The following RCAN2 variants were observed in gnomAD, a reference collection of about 807,000 sequenced individuals.
RCAN2 encodes the protein calcipressin-2.
RCAN2 carries 9 observed loss-of-function variants against 23.6 expected under a neutral mutation model. That is an observed-to-expected ratio of 0.38 (90% CI 0.23 to 0.67). The LOEUF (loss-of-function observed/expected upper bound fraction) is 0.67, where lower values mean the gene tolerates loss of function less well. Among genes scored for constraint, RCAN2 ranks in the 30% least tolerant of loss-of-function variants. RCAN2 has a pLI of 0.51. For missense variants in RCAN2, 273 were observed against 302.3 expected, an observed-to-expected ratio of 0.90 and a Z score of 0.72; for synonymous variants, 109 against 115.7, an observed-to-expected ratio of 0.94 and a Z score of 0.37.
rs1224833178 is a variant in RCAN2, at chr6:46,222,319, A to G, written c.*822T>C. 2 of 213,254 alleles carry G rather than the reference A, an allele frequency of 9.4e-6. No homozygotes were observed. Among genetic ancestry groups the G allele is most frequent in the Non-Finnish European group, 1.8e-5 (2 of 108,784 alleles). 13.2% of individuals were successfully genotyped at this position (213,254 alleles called of 1,614,324 possible). A position where few individuals can be genotyped will look rare whatever the true frequency, so the allele number is the denominator to read the frequency against. ...CTGAAACATTTGTACAAATATACAA[A>G]GAGAGAAAACAATCATTCAGACACC... On this transcript the variant is annotated 3_prime_UTR_variant, in exon 5 of 5. Transcript: ENST00000371374.
At chr6:46,325,792 T>G in intron 2 of RCAN2, 1 of 1,092,870 alleles carries the variant, frequency 9.2e-7, no homozygotes, top group South Asian at 3.5e-5. Flanking sequence ...TTGAACATGA[T>G]TATGTGCTAA....
chr6:46,394,760 C>A (rs1209953545), intron 2 of RCAN2, among the ~76,000 whole-genome samples: 1 of 152,144 alleles, frequency 6.6e-6, no homozygotes, highest in Non-Finnish European at 1.5e-5. Flanking sequence ...ATTGATCCCT[C>A]TCTCACTGCT....
At chr6:46,274,809 T>C (rs2150335030) in intron 2 of RCAN2, among the ~76,000 whole-genome samples, 1 of 152,184 alleles carries the variant, frequency 6.6e-6, no homozygotes, top group Non-Finnish European at 1.5e-5. Context: ...CACCAAGTAC[T>C]TTCTGAATTT....
At chr6:46,422,787 T>C (rs1328157404) in intron 2 of RCAN2, among the ~76,000 whole-genome samples, 1 of 152,206 alleles carries the variant, frequency 6.6e-6, no homozygotes, top group African/African-American at 2.4e-5. Flanking sequence ...TGGGTGCCTA[T>C]CTCAAGGCAG....
intron 2 of RCAN2, among the ~76,000 whole-genome samples, chr6:46,341,097 A>G (rs1764306296): frequency 1.3e-5 from 2 of 152,234 alleles, no homozygotes; most frequent in Non-Finnish European, 2.9e-5. Flanking sequence ...TTAATTAGTA[A>G]TAGACATTTA....
chr6:46,332,267 C>G (rs1044856879), intron 2 of RCAN2, among the ~76,000 whole-genome samples: 2 of 151,894 alleles, frequency 1.3e-5, no homozygotes, highest in East Asian at 3.9e-4. Flanking sequence ...CTCATACATC[C>G]TTATTGTTTA....
At chr6:46,277,589 C>CTTT (rs5875956) in intron 2 of RCAN2, among the ~76,000 whole-genome samples, 1 of 148,650 alleles carries the variant, frequency 6.7e-6, no homozygotes, top group Non-Finnish European at 1.5e-5. Context: ...CTTTTTAAAA[C>CTTT]TTTTTTTTTT....
In RCAN2 at chr6:46,456,951, C is replaced by T; in HGVS notation, c.26G>A (p.Gly9Glu). ...TCCCTGCTGCCCTGGGCTCCTCATT[C>T]CGATGAAGTATGATTCTCCCCTCAT... MRGESYFI[G>E]MRSPGQQGHV... The change falls in exon 2 of 5, where the codon GGA (glycine) becomes GAA (glutamate). Residue 9 changes from glycine to glutamate, a missense_variant. Gly to Glu is a moderately conservative substitution (Grantham distance 98). Transcript: ENST00000371374. 1 of 1,550,744 alleles carries T rather than the reference C, an allele frequency of 6.4e-7. No individual in the cohort carries two copies. Among genetic ancestry groups the T allele is most frequent in the Non-Finnish European group, 8.7e-7 (1 of 1,146,876 alleles).
chr6:46,349,040 A>T (rs1764571379), intron 2 of RCAN2, among the ~76,000 whole-genome samples: 1 of 152,208 alleles, frequency 6.6e-6, no homozygotes, highest in Non-Finnish European at 1.5e-5. Context: ...TCAGAAAGTG[A>T]GCCATTTTTC....
chr6:46,235,930 G>A (rs1277041870), intron 4 of RCAN2, among the ~76,000 whole-genome samples: 2 of 152,146 alleles, frequency 1.3e-5, no homozygotes, highest in African/African-American at 4.8e-5. Flanking sequence ...CTCTGAGAAA[G>A]TTATATAACA....
Position 46,292,435 on chromosome 6 carries a change from T to G in RCAN2, c.226-43539A>C, listed in dbSNP as rs55807759. On this transcript the variant is annotated intron_variant, in intron 2 of 4. Transcript: ENST00000371374. ...TGGGAGTTGATTTGTTGTTTTTTTT[T>G]TTGTTTTTTTTTTTGGTGGGGGGGT... Among the ~76,000 whole-genome samples the G allele has an allele frequency of 8.3e-3, 1,203 of 145,094 alleles. 13 individuals carry two copies. Among genetic ancestry groups the G allele is most frequent in the Middle Eastern group, 0.024 (7 of 286 alleles).
intron 2 of RCAN2, among the ~76,000 whole-genome samples, chr6:46,300,343 T>G (rs866252909): frequency 1.3e-5 from 2 of 151,876 alleles, no homozygotes; most frequent in Non-Finnish European, 1.5e-5. Context: ...AAGCCATATA[T>G]AGGTTTAAAG....
intron 2 of RCAN2, among the ~76,000 whole-genome samples, chr6:46,405,738 T>C (rs1766380812): frequency 6.6e-6 from 1 of 152,122 alleles, no homozygotes; most frequent in South Asian, 2.1e-4. Flanking sequence ...CAGGTGGAGC[T>C]GCCTGCCAGT....
intron 2 of RCAN2, among the ~76,000 whole-genome samples, chr6:46,429,009 C>T (rs1767113587): frequency 6.6e-6 from 1 of 152,208 alleles, no homozygotes; most frequent in South Asian, 2.1e-4. Flanking sequence ...GGTAGATGAC[C>T]TCAGCCTCAG....
At chr6:46,368,046 A>C (rs1765222177) in intron 2 of RCAN2, among the ~76,000 whole-genome samples, 1 of 152,154 alleles carries the variant, frequency 6.6e-6, no homozygotes, top group Non-Finnish European at 1.5e-5. Context: ...ATTTTCTGTG[A>C]AGGGCCAGAT....
chr6:46,270,722 C>T (rs1767494389), intron 2 of RCAN2, among the ~76,000 whole-genome samples: 2 of 152,198 alleles, frequency 1.3e-5, no homozygotes, highest in African/African-American at 4.8e-5. Flanking sequence ...TCTCTGGCTC[C>T]TCTCAATGGC....
intron 2 of RCAN2, among the ~76,000 whole-genome samples, chr6:46,358,577 G>A (rs777323761): frequency 9.9e-5 from 15 of 152,138 alleles, no homozygotes; most frequent in East Asian, 1.9e-4. Context: ...AAGTGAGAGC[G>A]CTACACTTGA....
intron 2 of RCAN2, among the ~76,000 whole-genome samples, chr6:46,421,872 C>A (rs1160250066): frequency 6.6e-6 from 1 of 152,046 alleles, no homozygotes; most frequent in Non-Finnish European, 1.5e-5. Context: ...AAGTAACCAG[C>A]TGATAAAAAT....
rs192712113 is a variant in RCAN2 at position 46,354,340 on chromosome 6, C to T, written c.225+102412G>A. ...AACTCTGACTATTTAGTAGAATCAC[C>T]TGGGGAGCTGTGACGTGTCCTGACA... On this transcript the variant is annotated intron_variant, in intron 2 of 4. Transcript: ENST00000371374. Among the ~76,000 whole-genome samples the T allele has an allele frequency of 2.0e-5, 3 of 151,672 alleles. No homozygotes were observed. The South Asian group carries it at 6.2e-4, about 31-fold the overall frequency.
Sources: allele counts gnomAD v4.1 joint callset (sites outside exome capture counted in the v4.1 genomes callset), GRCh38; gene constraint gnomAD v4.1.1; transcripts MANE v1.5; gene names NCBI Gene and HGNC (gene_info 2026-07-23, HGNC 2026-07-21).